ZBTB7C: variants seen among roughly 807,000 people sequenced by gnomAD.
The protein encoded by ZBTB7C is zinc finger and BTB domain containing 7C, also known as zinc finger and BTB domain-containing protein 7C.
In ZBTB7C, 8 loss-of-function variants were observed where a neutral mutation model predicts 25.7. That is an observed-to-expected ratio of 0.31 (90% CI 0.18 to 0.56). The LOEUF (loss-of-function observed/expected upper bound fraction) is 0.56, where lower values mean the gene tolerates loss of function less well. ZBTB7C is among the 20% of genes least tolerant of loss of function. The pLI, the probability that ZBTB7C is intolerant of heterozygous loss-of-function variation, is 0.91. For missense variants in ZBTB7C, 824 were observed against 855.2 expected, an observed-to-expected ratio of 0.96 and a Z score of 0.46; for synonymous variants, 394 against 369.0, an observed-to-expected ratio of 1.07 and a Z score of -0.78.
intron 2 of ZBTB7C, among the ~76,000 whole-genome samples, chr18:48,272,362 C>G (rs2044519381): frequency 6.6e-6 from 1 of 152,166 alleles, no homozygotes; most frequent in East Asian, 1.9e-4. Context: ...GGCCTTTGGC[C>G]TCTGAGACTT....
chr18:48,267,868 C>A (rs2044357688), intron 2 of ZBTB7C, among the ~76,000 whole-genome samples: 1 of 152,202 alleles, frequency 6.6e-6, no homozygotes, highest in African/African-American at 2.4e-5. Context: ...TGATCTTGGA[C>A]TTCCCAGCCT....
intron 3 of ZBTB7C, among the ~76,000 whole-genome samples, chr18:48,050,497 C>A (rs977734090): frequency 2.0e-5 from 3 of 152,242 alleles, no homozygotes; most frequent in Admixed American, 6.5e-5. Flanking sequence ...CCCAGCTGAG[C>A]CTGGCCCACT....
At chr18:48,140,716 ATG>A (rs1224436196) in intron 3 of ZBTB7C, among the ~76,000 whole-genome samples, 1 of 152,136 alleles carries the variant, frequency 6.6e-6, no homozygotes, top group Admixed American at 6.5e-5. Context: ...ATCCTAGAGG[ATG>A]TGCAGACATG....
At chr18:48,213,190 ATGGCTTT>A (rs1366119140) in intron 2 of ZBTB7C, among the ~76,000 whole-genome samples, 1 of 152,210 alleles carries the variant, frequency 6.6e-6, no homozygotes, top group African/African-American at 2.4e-5. Context: ...GCGGGCCAGA[ATGGCTTT>A]TTGCCCTAGA....
rs747456682 is a variant in ZBTB7C at position 48,040,704 on chromosome 18, T to TC, written c.403dup (p.Glu135GlyfsTer4). ...GTCATCGTCCTCCTTGTCATCCTCC[T>TC]CCCCCCCGTCCCCCCCAGGCTCCAT... On this transcript the variant is annotated frameshift_variant, in exon 4 of 5. Transcript: ENST00000590800. LOFTEE classifies it high-confidence loss of function. 5.0e-6 allele frequency: 8 copies of TC among 1,612,404 alleles called. No homozygotes were observed. The highest frequency in any genetic ancestry group is 2.2e-5 in the East Asian group (1 of 44,788).
intron 1 of ZBTB7C, among the ~76,000 whole-genome samples, chr18:48,352,469 GC>G (rs1487853258): frequency 2.6e-5 from 4 of 152,210 alleles, no homozygotes; most frequent in African/African-American, 9.6e-5. Flanking sequence ...TTTTAGCAAA[GC>G]ATCACCTCCA....
At chr18:48,377,160 C>T (rs879883916) in intron 1 of ZBTB7C, among the ~76,000 whole-genome samples, 3 of 152,200 alleles carry the variant, frequency 2.0e-5, no homozygotes, top group African/African-American at 7.2e-5. Flanking sequence ...ACTCCACCCC[C>T]CAACAGAGCA....
chr18:48,224,062 T>C (rs545087819), intron 2 of ZBTB7C, among the ~76,000 whole-genome samples: 1 of 152,308 alleles, frequency 6.6e-6, no homozygotes, highest in East Asian at 1.9e-4. Flanking sequence ...CAGATGACTG[T>C]AGATATTTCA....
Position 48,334,744 on chromosome 18 carries a change from T to G in ZBTB7C, c.-79+3430A>C, listed in dbSNP as rs185333941. ...CTACCCTAAGGGGAAGTTATTTGAA[T>G]TTTTCTTTCTGGGAAAAGCAAGGGG... is the stretch of plus-strand genomic sequence containing the variant. On this transcript the variant is annotated intron_variant, in intron 2 of 4. Transcript: ENST00000590800. Among the ~76,000 whole-genome samples, 48 of 152,312 alleles carry G rather than the reference T, an allele frequency of 3.2e-4. No homozygotes were observed. In the East Asian group the frequency reaches 9.1e-3, roughly 29 times the overall value.
chr18:48,166,810 A>G (rs1440230033), intron 3 of ZBTB7C, among the ~76,000 whole-genome samples: 1 of 152,148 alleles, frequency 6.6e-6, no homozygotes, highest in East Asian at 1.9e-4. Context: ...TGTGCCTGGA[A>G]GCTGCTGTCC....
intron 2 of ZBTB7C, among the ~76,000 whole-genome samples, chr18:48,205,727 G>A (rs2042561894): frequency 6.6e-6 from 1 of 152,012 alleles, no homozygotes; most frequent in African/African-American, 2.4e-5. Flanking sequence ...TGGCGAGGAT[G>A]TATAACAACT....
At chr18:48,284,601 C>T (rs1360731839) in intron 2 of ZBTB7C, among the ~76,000 whole-genome samples, 1 of 152,056 alleles carries the variant, frequency 6.6e-6, no homozygotes, top group Admixed American at 6.5e-5. Context: ...TGAGACCAAG[C>T]TGGCCAACAT....
At chr18:48,270,522 C>T (rs1455544097) in intron 2 of ZBTB7C, among the ~76,000 whole-genome samples, 3 of 149,874 alleles carry the variant, frequency 2.0e-5, no homozygotes, top group Non-Finnish European at 3.0e-5. Flanking sequence ...GGTGAAACCC[C>T]GCTAAAAAAT....
intron 1 of ZBTB7C, among the ~76,000 whole-genome samples, chr18:48,340,238 A>G (rs895615821): frequency 6.6e-6 from 1 of 152,226 alleles, no homozygotes; most frequent in Admixed American, 6.5e-5. Flanking sequence ...AGGCAGGGCC[A>G]ACCTCCTTCT....
rs1384990097 is a variant in ZBTB7C at position 48,245,088 on chromosome 18, G to GTATATA, written c.-78-59094_-78-59093insTATATA. ...AAGTGGAAAAAAAAGTAGTGTGTGTGTGTGTATATATATATACACACACAC... is the reference window on the plus strand; with the variant it reads ...AAGTGGAAAAAAAAGTAGTGTGTGTGTATATATGTGTATATATATATACACACACAC... On this transcript the variant is annotated intron_variant, in intron 2 of 4. Transcript: ENST00000590800. Among the ~76,000 whole-genome samples, 64 of 43,690 alleles carry GTATATA rather than the reference G, an allele frequency of 1.5e-3. 1 individual carries two copies. Among genetic ancestry groups the GTATATA allele is most frequent in the Middle Eastern group, 0.014 (1 of 74 alleles). 28.7% of individuals were successfully genotyped at this position (43,690 alleles called of 152,430 possible).
chr18:48,083,092 C>T (rs1179494322), intron 3 of ZBTB7C, among the ~76,000 whole-genome samples: 5 of 152,098 alleles, frequency 3.3e-5, no homozygotes, highest in South Asian at 2.1e-4. Context: ...TATACATCTG[C>T]GTGTGAAGAC....
chr18:48,037,899 G>A (rs978623594), intron 4 of ZBTB7C, among the ~76,000 whole-genome samples: 4 of 152,198 alleles, frequency 2.6e-5, no homozygotes, highest in Non-Finnish European at 5.9e-5. Flanking sequence ...GCAGGGGCTG[G>A]GACTCTCGGG....
chr18:48,245,410 T>A (rs2144389749), intron 2 of ZBTB7C, among the ~76,000 whole-genome samples: 1 of 145,798 alleles, frequency 6.9e-6, no homozygotes, highest in East Asian at 2.0e-4. Context: ...ATCTCAGAAA[T>A]CACCACTAAA....
At chr18:48,368,378 T>C (rs72919600) in intron 1 of ZBTB7C, among the ~76,000 whole-genome samples, 11,603 of 151,858 alleles carry the variant, frequency 0.076, 582 homozygotes, top group Non-Finnish European at 0.12. Context: ...CAGTAACTGA[T>C]AGATAGAAAA....
Sources: allele counts gnomAD v4.1 joint callset (sites outside exome capture counted in the v4.1 genomes callset), GRCh38; gene constraint gnomAD v4.1.1; transcripts MANE v1.5; gene names NCBI Gene and HGNC (gene_info 2026-07-23, HGNC 2026-07-21).